Variants in PER2 observed in about 807,000 individuals in gnomAD.
The protein encoded by PER2 is period circadian regulator 2.
A neutral mutation model predicts 121.0 loss-of-function variants in PER2; 66 were observed. That is an observed-to-expected ratio of 0.55 (90% CI 0.45 to 0.67). The LOEUF is 0.67. Ranked by LOEUF, PER2 falls within the 30% of genes least tolerant of loss-of-function variation. PER2 has a pLI of 0.00. For synonymous variants in PER2, 684 were observed against 659.9 expected (o/e 1.04, Z -0.56); for missense variants, 1,521 against 1,635.0 (o/e 0.93, Z 1.20).
chr2:238,256,858 C>T, intron 17 of PER2, 64 bp downstream of exon 17: 1 of 1,538,348 alleles, frequency 6.5e-7, no homozygotes, highest in South Asian at 1.1e-5. Context: ...TTTAAGATGG[C>T]AAACTTCTTG....
upstream of PER2, among the ~76,000 whole-genome samples, chr2:238,293,797 G>A (rs1007804025): frequency 2.0e-5 from 3 of 151,940 alleles, no homozygotes; most frequent in Non-Finnish European, 2.9e-5. Context: ...TCACTGAGAC[G>A]AAAGCTGTGC....
intron 1 of PER2, among the ~76,000 whole-genome samples, chr2:238,283,496 G>A (rs1044482969): frequency 6.6e-6 from 1 of 152,254 alleles, no homozygotes; most frequent in Non-Finnish European, 1.5e-5. Context: ...TTCTAGGCAG[G>A]GGGACAGCAC....
At chr2:238,260,258 CA>C (rs1315286037) in intron 13 of PER2, among the ~76,000 whole-genome samples, 2 of 151,004 alleles carry the variant, frequency 1.3e-5, no homozygotes, top group East Asian at 3.9e-4. Flanking sequence ...CGGCACATTA[CA>C]TTTTTTTTTT....
intron 20 of PER2, among the ~76,000 whole-genome samples, chr2:238,251,319 T>G (rs1695589890): frequency 6.6e-6 from 1 of 152,342 alleles, no homozygotes; most frequent in South Asian, 2.1e-4. Context: ...CAAACCACTA[T>G]CTGGGGAGTC....
Position 238,268,317 on chromosome 2 carries a change from C to A in PER2, c.825-119G>T, listed in dbSNP as rs1385805676. 2 of 1,064,326 alleles carry A rather than the reference C, an allele frequency of 1.9e-6. No individual in the cohort carries two copies. The highest frequency in any genetic ancestry group is 3.1e-5 in the African/African-American group (2 of 64,088). 65.9% of individuals were successfully genotyped at this position (1,064,326 alleles called of 1,614,324 possible). On this transcript the variant is annotated intron_variant, in intron 7 of 22. Transcript: ENST00000254657. The surrounding 1 kb of genome is among the most constrained non-coding windows in gnomAD (Gnocchi z 4.0). ...CAGGTGATGTGTACCTCTGCTCTGC[C>A]TGAGGAGCTGGGCCTGCCCCCTGCC...
At chr2:238,254,466 T>G (rs960162683) in intron 18 of PER2, among the ~76,000 whole-genome samples, 7 of 152,244 alleles carry the variant, frequency 4.6e-5, no homozygotes, top group African/African-American at 1.4e-4. Flanking sequence ...TGGGATGTGC[T>G]GAAGGGAAAT....
At chr2:238,260,801 T>C (rs1310157143) in intron 13 of PER2, 27 bp downstream of exon 13, 3 of 1,613,802 alleles carry the variant, frequency 1.9e-6, no homozygotes, top group Admixed American at 1.7e-5. Context: ...AAACTCATTT[T>C]CTCAGGGAGA....
chr2:238,251,629 G>A lies in PER2; in HGVS notation c.3244C>T (p.Leu1082=), dbSNP rs1695602284. ...CCACTCGGGGAGGCGTCGCAGCCCA[G>A]TGAGCCGGAGCCCAGAGACTCCGAA... ...AASESLGSGS[L]GCDASPSGAG... The change falls in exon 20 of 23, where the codon CTG becomes TTG. Residue 1082 remains leucine, a synonymous_variant. Coordinates refer to ENST00000254657, the MANE Select transcript of PER2 (RefSeq NM_022817.3). 10 of 1,614,090 alleles carry A rather than the reference G, an allele frequency of 6.2e-6. No homozygotes were observed. Among genetic ancestry groups the A allele is most frequent in the Non-Finnish European group, 8.5e-6 (10 of 1,180,022 alleles).
In PER2 at chr2:238,263,977, AAG is replaced by A. The variant is rs758078164; in HGVS notation, c.1047-921_1047-920del. On this transcript the variant is annotated intron_variant, in intron 9 of 22. Coordinates refer to ENST00000254657, the MANE Select transcript of PER2 (RefSeq NM_022817.3). ...GAGGAGTGGGGGAACAGGAAGGAAA[AAG>A]AGGGGGAGGAGGAAGAGGAGGGAGC... Among the ~76,000 whole-genome samples the A allele has an allele frequency of 6.2e-5, 9 of 146,150 alleles. No homozygotes were observed. In the South Asian group the frequency reaches 1.6e-3, roughly 27 times the overall value.
intron 22 of PER2, chr2:238,247,307 G>A (rs1053500649): frequency 2.0e-5 from 3 of 152,262 alleles, no homozygotes; most frequent in East Asian, 3.9e-4. Context: ...GCAGCCCTAC[G>A]GAGAGGTCCC....
In PER2 at chr2:238,258,390, T is replaced by G; in HGVS notation, c.1786A>C (p.Ser596Arg). 6.2e-7 allele frequency: 1 copy of G among 1,614,024 alleles called. No homozygotes were observed. Among genetic ancestry groups the G allele is most frequent in the Non-Finnish European group, 8.5e-7 (1 of 1,180,008 alleles). ...CLDSVIRYLE[S>R]CNEAATLKRK... is the part of the protein sequence containing the mutation. ...TTCAGGGTGGCAGCCTCATTGCAGC[T>G]CTCCAAGTACCTGTGTGAAAGGCAT... The change falls in exon 16 of 23, where the codon AGC (serine) becomes CGC (arginine). Residue 596 changes from serine to arginine, a missense_variant. Physicochemically the swap from Ser to Arg is moderately radical, Grantham distance 110 (BLOSUM62 -1). Coordinates refer to ENST00000254657, the MANE Select transcript of PER2 (RefSeq NM_022817.3).
intron 5 of PER2, 22 bp downstream of exon 5, chr2:238,273,048 A>T: frequency 6.2e-7 from 1 of 1,613,694 alleles, no homozygotes; most frequent in African/African-American, 1.3e-5. Flanking sequence ...TTTAGAAAGA[A>T]ACTTTGCGGA....
intron 13 of PER2, among the ~76,000 whole-genome samples, 168 bp downstream of exon 13, chr2:238,260,660 C>T (rs1218332796): frequency 6.6e-6 from 1 of 152,212 alleles, no homozygotes; most frequent in East Asian, 1.9e-4. Flanking sequence ...GCTCTTTCAA[C>T]TCTTAAGAGA....
chr2:238,299,053 C>G, the PER2 span: 1 of 151,822 alleles, frequency 6.6e-6, no homozygotes, highest in African/African-American at 2.4e-5. Context: ...GAGGGATTAC[C>G]TGAGGTCAGG....
chr2:238,277,402 C>CATGATAA (rs1696487680), intron 2 of PER2, among the ~76,000 whole-genome samples: 1 of 152,106 alleles, frequency 6.6e-6, no homozygotes, highest in South Asian at 2.1e-4. Context: ...ATAACAGGAG[C>CATGATAA]CAGTTCCTTT....
In PER2 at chr2:238,262,182, A is replaced by G. The variant is rs1695953287; in HGVS notation, c.1307+9T>C. ...CCCCTGAGCCACCTCGGGCCCTTGG[A>G]GCACTCACACCCTGACTTTGTGCCT... On this transcript the variant is annotated intron_variant, in intron 11 of 22. Transcript: ENST00000254657. 1 of 1,613,182 alleles carries G rather than the reference A, an allele frequency of 6.2e-7. No homozygotes were observed. Among genetic ancestry groups the G allele is most frequent in the Non-Finnish European group, 8.5e-7 (1 of 1,179,840 alleles).
At chr2:238,269,045 CA>C (rs1696202263) in intron 6 of PER2, 71 bp from the exon 7 acceptor site, 4 of 1,178,202 alleles carry the variant, frequency 3.4e-6, no homozygotes, top group Non-Finnish European at 3.8e-6. Flanking sequence ...TTCTCACAAA[CA>C]AAAGAGGAGC....
chr2:238,295,278 CCTTCTT>C, the PER2 span: 17,636 of 149,146 alleles, frequency 0.12, 1,341 homozygotes, highest in Admixed American at 0.18. Context: ...TTCTTCTTCT[CCTTCTT>C]CTTCTTCTTT....
At position 238,260,020 on chromosome 2, in the gene PER2, T is replaced by C; in HGVS notation, c.1576A>G (p.Arg526Gly). 2.0e-6 allele frequency: 3 copies of C among 1,514,246 alleles called. No homozygotes were observed. Among genetic ancestry groups the C allele is most frequent in the Non-Finnish European group, 2.7e-6 (3 of 1,093,974 alleles). The allele number at this position is 1,514,246 out of a possible 1,614,324, so 93.8% of individuals were successfully genotyped here. A position where few individuals can be genotyped will look rare whatever the true frequency, so the allele number is the denominator to read the frequency against. ...CCAGATTCATGAGAATAATGACTTCTATTTTTGGTCTTGTTACCATTTTTA... is the reference window on the plus strand; with the variant it reads ...CCAGATTCATGAGAATAATGACTTCCATTTTTGGTCTTGTTACCATTTTTA... ...ICKNGNKTKN[R>G]SHYSHESGEQ... The change falls in exon 14 of 23, where the codon AGA becomes GGA. Residue 526 changes from arginine to glycine, a missense_variant. Physicochemically the swap from Arg to Gly is moderately radical, Grantham distance 125 (BLOSUM62 -2). Coordinates refer to ENST00000254657, the MANE Select transcript of PER2 (RefSeq NM_022817.3).
Sources: gnomAD v4.1 joint callset for allele counts (sites outside exome capture counted in the v4.1 genomes callset) on GRCh38, gnomAD v4.1.1 for gene constraint, Gnocchi (gnomAD v3.1) non-coding constraint, MANE v1.5 for transcripts, NCBI Gene and HGNC (gene_info 2026-07-23, HGNC 2026-07-21) for gene names.